Variants in AGAP1 observed in about 807,000 individuals in gnomAD.
AGAP1 encodes the protein ArfGAP with GTPase domain, ankyrin repeat and PH domain 1, also known as arf-GAP with GTPase, ANK repeat and PH domain-containing protein 1.
In AGAP1, 29 loss-of-function variants were observed where a neutral mutation model predicts 105.3. That is an observed-to-expected ratio of 0.28 (90% CI 0.21 to 0.38). AGAP1 has a LOEUF of 0.38. Ranked by LOEUF, AGAP1 falls within the 10% of genes least tolerant of loss-of-function variation. The probability of loss-of-function intolerance (pLI) is 1.00; values close to 1 mark genes in which losing one functional copy is unlikely to be tolerated. For synonymous variants in AGAP1, 509 were observed against 485.9 expected, an observed-to-expected ratio of 1.05 and a Z score of -0.63; for missense variants, 998 against 1,165.1, an observed-to-expected ratio of 0.86 and a Z score of 2.09.
chr2:235,766,612 A>G (rs892084007), intron 6 of AGAP1, among the ~76,000 whole-genome samples: 2 of 152,244 alleles, frequency 1.3e-5, no homozygotes, highest in Admixed American at 6.5e-5. Flanking sequence ...AGGAGAACAC[A>G]ATTAAAAAGA....
intron 9 of AGAP1, among the ~76,000 whole-genome samples, chr2:235,836,095 G>A (rs191411403): frequency 3.9e-3 from 593 of 152,308 alleles, no homozygotes; most frequent in Non-Finnish European, 7.1e-3. Flanking sequence ...GTGTTTGTCA[G>A]TATAACTGGC....
chr2:235,698,473 G>GT (rs1950103483), intron 1 of AGAP1, among the ~76,000 whole-genome samples: 1 of 152,158 alleles, frequency 6.6e-6, no homozygotes, highest in South Asian at 2.1e-4. Context: ...TACGGATTTT[G>GT]TTTTTTCTTG....
At chr2:235,853,823 T>G (rs2106466755) in intron 9 of AGAP1, among the ~76,000 whole-genome samples, 1 of 152,056 alleles carries the variant, frequency 6.6e-6, no homozygotes, top group African/African-American at 2.4e-5. Context: ...GGTCGCTAGC[T>G]TGTTTTGGTT....
Position 235,639,525 on chromosome 2 carries a change from T to C in AGAP1, c.164-69654T>C, listed in dbSNP as rs574903308. 1.3e-5 allele frequency among the ~76,000 whole-genome samples: 2 copies of C among 152,216 alleles called. No homozygotes were observed. The highest frequency in any genetic ancestry group is 2.4e-5 in the African/African-American group (1 of 41,556). The stretch of plus-strand genomic sequence containing the variant: ...GGTGAGGATGAGGCTCATGAACAGA[T>C]GTGGAAACATCGTGGGATGATCTCA... On this transcript the variant is annotated intron_variant, in intron 1 of 17. Transcript: ENST00000304032. The surrounding 1 kb of genome is among the most constrained non-coding windows in gnomAD (Gnocchi z 5.3).
chr2:236,021,361 A>T (rs1576083675), intron 13 of AGAP1, among the ~76,000 whole-genome samples: 1 of 152,178 alleles, frequency 6.6e-6, no homozygotes, highest in East Asian at 1.9e-4. Flanking sequence ...CTCACCGTGG[A>T]CAGTGGAGGG....
rs2058836994 is a variant in AGAP1 at position 236,083,295 on chromosome 2, GTGA to G, written c.2114+34018_2114+34020del. 6.6e-6 allele frequency among the ~76,000 whole-genome samples: 1 copy of G among 152,218 alleles called. No homozygotes were observed. Among genetic ancestry groups the G allele is most frequent in the African/African-American group, 2.4e-5 (1 of 41,454 alleles). On this transcript the variant is annotated intron_variant, in intron 16 of 17. Transcript: ENST00000304032. This position sits in a 1 kb window ranked among gnomAD's most constrained non-coding sequence, Gnocchi z 5.3. ...GTGTGCCTAATAATGCAGATGTCAT[GTGA>G]TGAGCTCGGTTTGTTGCAAGGAAGC...
rs1261018425 is a variant in AGAP1, at chr2:235,750,123, A to T, written c.539-231A>T. On this transcript the variant is annotated intron_variant, in intron 5 of 17. Coordinates refer to ENST00000304032, the MANE Select transcript of AGAP1 (RefSeq NM_001037131.3). The surrounding 1 kb of genome is among the most constrained non-coding windows in gnomAD (Gnocchi z 5.3). ...CTTTTTCCTTCTTTCTGAACATTTT[A>T]AAATTGCAGTTTCAGAAGCGCTCCT... Among the ~76,000 whole-genome samples the T allele has an allele frequency of 6.6e-6, 1 of 152,284 alleles. No individual in the cohort carries two copies. The highest frequency in any genetic ancestry group is 3.4e-3 in the Middle Eastern group (1 of 294).
intron 8 of AGAP1, among the ~76,000 whole-genome samples, chr2:235,806,860 A>AT (rs999114642): frequency 6.6e-6 from 1 of 152,218 alleles, no homozygotes; most frequent in African/African-American, 2.4e-5. Flanking sequence ...GATGTAGTAG[A>AT]TTTTCCAAAT....
intron 16 of AGAP1, among the ~76,000 whole-genome samples, chr2:236,071,024 G>T (rs948765967): frequency 1.3e-5 from 2 of 152,234 alleles, no homozygotes; most frequent in South Asian, 4.1e-4. Context: ...AAGAGAGCAT[G>T]TTCTGAGTTT....
At chr2:235,782,420 G>C (rs1052693989) in intron 6 of AGAP1, among the ~76,000 whole-genome samples, 1 of 152,184 alleles carries the variant, frequency 6.6e-6, no homozygotes, top group Non-Finnish European at 1.5e-5. Context: ...TTCACAAGCT[G>C]TAATTTGCCT....
chr2:235,744,186 T>C lies in AGAP1; in HGVS notation c.397-512T>C, dbSNP rs1018853264. Among the ~76,000 whole-genome samples the C allele has an allele frequency of 1.2e-4, 18 of 152,192 alleles. No individual in the cohort carries two copies. Among genetic ancestry groups the C allele is most frequent in the Non-Finnish European group, 1.6e-4 (11 of 68,034 alleles). Reference sequence around the variant, plus strand: ...CAAGGATGAGCCTGGGTTGAATCTTTACCCTTCAACAGAGTAGGCCAGCCG... The same window carrying C: ...CAAGGATGAGCCTGGGTTGAATCTTCACCCTTCAACAGAGTAGGCCAGCCG... On this transcript the variant is annotated intron_variant, in intron 4 of 17. Coordinates refer to ENST00000304032, the MANE Select transcript of AGAP1 (RefSeq NM_001037131.3). This position sits in a 1 kb window ranked among gnomAD's most constrained non-coding sequence, Gnocchi z 5.2.
chr2:236,129,320 G>A lies in AGAP1; in HGVS notation c.*5198G>A, dbSNP rs1271534118. 6.6e-6 allele frequency: 1 copy of A among 152,282 alleles called. No individual in the cohort carries two copies. The highest frequency in any genetic ancestry group is 6.5e-5 in the Admixed American group (1 of 15,282). 9.4% of individuals were successfully genotyped at this position (152,282 alleles called of 1,614,324 possible). On this transcript the variant is annotated 3_prime_UTR_variant, in exon 18 of 18. Transcript: ENST00000304032. The surrounding 1 kb of genome is among the most constrained non-coding windows in gnomAD (Gnocchi z 6.2). Reference sequence around the variant, plus strand: ...TCTGCCCCAGCCCTGCTGTGGGGACGGGCCCTCTATCATTTAACCACATAC... The same window carrying A: ...TCTGCCCCAGCCCTGCTGTGGGGACAGGCCCTCTATCATTTAACCACATAC...
intron 1 of AGAP1, among the ~76,000 whole-genome samples, chr2:235,688,736 T>G (rs2149432794): frequency 6.6e-6 from 1 of 152,302 alleles, no homozygotes; most frequent in African/African-American, 2.4e-5. Flanking sequence ...GTGTATTCAT[T>G]TTGCATTGGA....
rs569972736 is a variant in AGAP1, at chr2:235,618,114, G to A, written c.164-91065G>A. On this transcript the variant is annotated intron_variant, in intron 1 of 17. Transcript: ENST00000304032. ...ACATTTTGGAGGGTGGGATGTGCTC[G>A]GTCTTGGGCGCGTGCAGTTTTTGCT... Among the ~76,000 whole-genome samples, 10 of 152,178 alleles carry A rather than the reference G, an allele frequency of 6.6e-5. No individual in the cohort carries two copies. In the South Asian group the frequency reaches 1.5e-3, roughly 22 times the overall value.
intron 8 of AGAP1, among the ~76,000 whole-genome samples, chr2:235,804,645 C>A (rs1266095133): frequency 1.3e-5 from 2 of 152,214 alleles, no homozygotes; most frequent in Non-Finnish European, 1.5e-5. Flanking sequence ...TCTCTCACCA[C>A]GGCAGGGGAA....
At position 235,582,791 on chromosome 2, in the gene AGAP1, T is replaced by C. The variant is rs1305908776; in HGVS notation, c.163+87942T>C. 1.3e-5 allele frequency among the ~76,000 whole-genome samples: 2 copies of C among 152,246 alleles called. No individual in the cohort carries two copies. The highest frequency in any genetic ancestry group is 1.3e-4 in the Admixed American group (2 of 15,288). The stretch of plus-strand genomic sequence containing the variant: ...GAGTTGGCACTTGAGTCCCACGTCC[T>C]AGCCTCCCGGCATCACAGCCTTATG... On this transcript the variant is annotated intron_variant, in intron 1 of 17. Transcript: ENST00000304032. This position sits in a 1 kb window ranked among gnomAD's most constrained non-coding sequence, Gnocchi z 4.7.
At chr2:235,521,622 C>T (rs1942617056) in intron 1 of AGAP1, among the ~76,000 whole-genome samples, 1 of 152,034 alleles carries the variant, frequency 6.6e-6, no homozygotes, top group Non-Finnish European at 1.5e-5. Flanking sequence ...TTCTGGAAAC[C>T]ACTCCATAGT....
At position 235,957,463 on chromosome 2, in the gene AGAP1, C is replaced by T. The variant is rs2053998381; in HGVS notation, c.1484-10999C>T. Among the ~76,000 whole-genome samples, 1 of 152,186 alleles carries T rather than the reference C, an allele frequency of 6.6e-6. No homozygotes were observed. Among genetic ancestry groups the T allele is most frequent in the South Asian group, 2.1e-4 (1 of 4,826 alleles). ...GGGCCCCCTGCCGTGTCCCCGCTGC[C>T]CCTCTGACATTGTGTACCTCTGTGT... On this transcript the variant is annotated intron_variant, in intron 12 of 17. Coordinates refer to ENST00000304032, the MANE Select transcript of AGAP1 (RefSeq NM_001037131.3). This position sits in a 1 kb window ranked among gnomAD's most constrained non-coding sequence, Gnocchi z 4.6.
At chr2:235,827,373 T>A (rs1959129110) in intron 9 of AGAP1, among the ~76,000 whole-genome samples, 1 of 152,136 alleles carries the variant, frequency 6.6e-6, no homozygotes. Flanking sequence ...GCTGAAGGGC[T>A]TGGAGCAGGA....
Sources: gnomAD v4.1 joint callset for allele counts (sites outside exome capture counted in the v4.1 genomes callset) on GRCh38, gnomAD v4.1.1 for gene constraint, Gnocchi (gnomAD v3.1) non-coding constraint, MANE v1.5 for transcripts, NCBI Gene and HGNC (gene_info 2026-07-23, HGNC 2026-07-21) for gene names.